Variants in TBC1D2B observed in about 807,000 individuals in gnomAD.
The protein encoded by TBC1D2B is TBC1 domain family, member 2B.
Under a neutral mutation model 100.8 loss-of-function variants are expected in TBC1D2B, and 64 were observed. The observed-to-expected ratio is 0.64, with a 90% CI of 0.52 to 0.78. The LOEUF (loss-of-function observed/expected upper bound fraction) is 0.78, where lower values mean the gene tolerates loss of function less well. TBC1D2B is among the 30% of genes least tolerant of loss of function. The pLI is 0.00. For missense variants in TBC1D2B, 1,052 were observed against 1,218.4 expected (o/e 0.86, Z 2.03); for synonymous variants, 480 against 479.7 (o/e 1.00, Z -0.01).
intron 10 of TBC1D2B, among the ~76,000 whole-genome samples, chr15:78,004,862 A>C (rs1013453584): frequency 1.4e-4 from 22 of 152,210 alleles, no homozygotes; most frequent in African/African-American, 4.6e-4. Context: ...GTGTAGTTGA[A>C]AAAATCCACA....
intron 10 of TBC1D2B, among the ~76,000 whole-genome samples, chr15:78,008,332 G>GGCCCC (rs1207634646): frequency 6.6e-6 from 1 of 152,234 alleles, no homozygotes; most frequent in Non-Finnish European, 1.5e-5. Flanking sequence ...GGTGACTGCA[G>GGCCCC]GCCCCACTGC....
In TBC1D2B at chr15:78,009,095, G is replaced by C; in HGVS notation, c.2290C>G (p.Leu764Val). The change falls in exon 10 of 13, where the codon CTG (leucine) becomes GTG (valine). Residue 764 changes from leucine to valine, a missense_variant. Physicochemically the swap from Leu to Val is conservative, Grantham distance 32. Around this residue, in one of 4 missense-constraint regions of TBC1D2B, gnomAD observed 373 missense variants for 464.9 expected, o/e 0.80. Coordinates refer to ENST00000300584, the MANE Select transcript of TBC1D2B (RefSeq NM_144572.2). ...GLNRLVAVAL[L>V]YLEQEDAFWC... ...AAAGCATCTTCTTGTTCCAGGTACA[G>C]GAGGGCCACTGCCACCAACCTACAA... is the stretch of plus-strand genomic sequence containing the variant. 1 of 1,604,312 alleles carries C rather than the reference G, an allele frequency of 6.2e-7. No homozygotes were observed. Among genetic ancestry groups the C allele is most frequent in the Non-Finnish European group, 8.5e-7 (1 of 1,175,166 alleles).
intron 3 of TBC1D2B, among the ~76,000 whole-genome samples, chr15:78,041,953 C>A (rs994076378): frequency 6.6e-6 from 1 of 152,194 alleles, no homozygotes; most frequent in African/African-American, 2.4e-5. Flanking sequence ...CTTCATATTA[C>A]AAATGAGAAA....
At chr15:78,033,225 T>C (rs2072860709) in intron 3 of TBC1D2B, among the ~76,000 whole-genome samples, 1 of 152,080 alleles carries the variant, frequency 6.6e-6, no homozygotes, top group African/African-American at 2.4e-5. Context: ...GTAAGTGGAG[T>C]GCTGAGGAGA....
intron 3 of TBC1D2B, among the ~76,000 whole-genome samples, chr15:78,034,304 AT>A (rs1017059385): frequency 6.6e-6 from 1 of 152,154 alleles, no homozygotes; most frequent in Non-Finnish European, 1.5e-5. Context: ...ACTTCTGTTC[AT>A]TTTTTTGACA....
At chr15:78,009,407 A>G (rs1210465087) in intron 9 of TBC1D2B, among the ~76,000 whole-genome samples, 1 of 152,108 alleles carries the variant, frequency 6.6e-6, no homozygotes, top group Non-Finnish European at 1.5e-5. Flanking sequence ...AGGAGTAGCG[A>G]CGCACACCTG....
chr15:78,042,796 TGTC>T (rs1446655839), intron 3 of TBC1D2B, among the ~76,000 whole-genome samples: 3 of 152,240 alleles, frequency 2.0e-5, no homozygotes, highest in Non-Finnish European at 1.5e-5. Flanking sequence ...AAGAGACTAA[TGTC>T]GTATCGTTGA....
Position 78,034,079 on chromosome 15 carries a change from T to C in TBC1D2B, c.684-3909A>G, listed in dbSNP as rs528113503. Among the ~76,000 whole-genome samples, 125 of 152,324 alleles carry C rather than the reference T, an allele frequency of 8.2e-4. 1 individual carries two copies. Among genetic ancestry groups the C allele is most frequent in the African/African-American group, 2.6e-3 (108 of 41,562 alleles). On this transcript the variant is annotated intron_variant, in intron 3 of 12. Transcript: ENST00000300584. The stretch of plus-strand genomic sequence containing the variant: ...GAGCTGGTAAACGACGTATAGCATC[T>C]TGCACGTGCTATTTATTTCCTGTCT...
At chr15:78,062,312 C>T (rs1439508832) in intron 1 of TBC1D2B, among the ~76,000 whole-genome samples, 2 of 152,152 alleles carry the variant, frequency 1.3e-5, no homozygotes, top group Admixed American at 6.5e-5. Flanking sequence ...AATTAATAGA[C>T]AATGACGAAC....
In TBC1D2B at chr15:78,056,330, TTG is replaced by T; in HGVS notation, c.361-2145_361-2144del. ...GGCAAGGACCTGGCCCTGAAGGGAC[TTG>T]TGTGCCTTCCTAAAGAGATGGAATG... On this transcript the variant is annotated intron_variant, in intron 1 of 12. Transcript: ENST00000300584. Among the ~76,000 whole-genome samples, 2 of 152,284 alleles carry T rather than the reference TTG, an allele frequency of 1.3e-5. 1 individual carries two copies. Among genetic ancestry groups the T allele is most frequent in the East Asian group, 3.9e-4 (2 of 5,170 alleles).
intron 1 of TBC1D2B, among the ~76,000 whole-genome samples, chr15:78,055,334 G>A (rs2073400098): frequency 6.6e-6 from 1 of 152,012 alleles, no homozygotes; most frequent in Non-Finnish European, 1.5e-5. Context: ...AACCAAGATG[G>A]GGGAGAGGAC....
At chr15:78,037,511 A>T (rs2141742468) in intron 3 of TBC1D2B, among the ~76,000 whole-genome samples, 1 of 152,238 alleles carries the variant, frequency 6.6e-6, no homozygotes, top group Non-Finnish European at 1.5e-5. Flanking sequence ...GGCAGGACTC[A>T]CGGGCTCGCC....
In TBC1D2B at chr15:78,024,328, A is replaced by C; in HGVS notation, c.1298T>G (p.Val433Gly). Residue 433 changes from valine (V) to glycine (G), a missense_variant, in exon 6 of 13, where the codon GTG (valine) becomes GGG (glycine). Around this residue, in one of 4 missense-constraint regions of TBC1D2B, gnomAD observed 627 missense variants for 646.1 expected, o/e 0.97. Transcript: ENST00000300584. ...TCCCAGCTGCTCGTTGAGCTCGCCC[A>C]CTTTGCTCTTCAGCGTCCTTACTTC... ...QQEVRTLKSK[V>G]GELNEQLGML... The C allele has an allele frequency of 6.2e-7, 1 of 1,614,032 alleles. No homozygotes were observed. Among genetic ancestry groups the C allele is most frequent in the Non-Finnish European group, 8.5e-7 (1 of 1,179,888 alleles).
intron 2 of TBC1D2B, 123 bp from the exon 3 acceptor site, chr15:78,045,191 A>C (rs1486849312): frequency 8.4e-6 from 7 of 828,450 alleles, no homozygotes; most frequent in African/African-American, 1.7e-5. Flanking sequence ...TATATTTTTA[A>C]TGTATACTAC....
At chr15:77,999,094 G>T (rs1252422221) in intron 12 of TBC1D2B, 1 of 329,274 alleles carries the variant, frequency 3.0e-6, no homozygotes, top group Non-Finnish European at 6.2e-6. Flanking sequence ...GGTCTCTGGG[G>T]ATCACAAAAT....
At chr15:78,040,694 G>T (rs1181976036) in intron 3 of TBC1D2B, among the ~76,000 whole-genome samples, 7 of 139,346 alleles carry the variant, frequency 5.0e-5, no homozygotes, top group Non-Finnish European at 1.1e-4. Context: ...AGAAAGAAAG[G>T]GGGGGAGGGA....
chr15:78,073,798 C>T lies in TBC1D2B; in HGVS notation c.360+3495G>A, dbSNP rs567591161. ...CAGCCTGGCCAATATGGTGAAACCCCGTCTCTACTAAAAATACAAAAATTA... is the reference window on the plus strand; with the variant it reads ...CAGCCTGGCCAATATGGTGAAACCCTGTCTCTACTAAAAATACAAAAATTA... On this transcript the variant is annotated intron_variant, in intron 1 of 12. Coordinates refer to ENST00000300584, the MANE Select transcript of TBC1D2B (RefSeq NM_144572.2). 2.6e-5 allele frequency among the ~76,000 whole-genome samples: 4 copies of T among 151,966 alleles called. No homozygotes were observed. In the East Asian group the frequency reaches 5.9e-4, roughly 22 times the overall value.
intron 3 of TBC1D2B, among the ~76,000 whole-genome samples, chr15:78,040,201 G>A (rs1403239932): frequency 6.6e-6 from 1 of 152,254 alleles, no homozygotes; most frequent in African/African-American, 2.4e-5. Context: ...GGACTGGCCA[G>A]AATTTCAGCA....
intron 1 of TBC1D2B, 32 bp downstream of exon 1, chr15:78,077,261 C>A: frequency 1.4e-6 from 2 of 1,405,294 alleles, no homozygotes; most frequent in Non-Finnish European, 1.8e-6. Context: ...CCGGCGGAAG[C>A]GCGCGGGCGG....
Sources: allele counts gnomAD v4.1 joint callset (sites outside exome capture counted in the v4.1 genomes callset), GRCh38; gene constraint gnomAD v4.1.1; regional missense constraint gnomAD v4.1.1; transcripts MANE v1.5; gene names NCBI Gene and HGNC (gene_info 2026-07-23, HGNC 2026-07-21).